Variants in MAT2B observed in about 807,000 individuals in gnomAD.
MAT2B encodes the protein methionine adenosyltransferase 2 subunit beta.
Under a neutral mutation model 36.1 loss-of-function variants are expected in MAT2B, and 16 were observed. The observed-to-expected ratio is 0.44, with a 90% confidence interval of 0.30 to 0.67. The LOEUF (loss-of-function observed/expected upper bound fraction) is 0.67, where lower values mean the gene tolerates loss of function less well. Ranked by LOEUF, MAT2B falls within the 30% of genes least tolerant of loss-of-function variation. The probability of loss-of-function intolerance (pLI) is 0.09; values close to 1 mark genes in which losing one functional copy is unlikely to be tolerated. For synonymous variants in MAT2B, 148 were observed against 136.9 expected, an observed-to-expected ratio of 1.08 and a Z score of -0.57; for missense variants, 332 against 398.2, an observed-to-expected ratio of 0.83 and a Z score of 1.42.
Position 163,518,109 on chromosome 5 carries a change from T to TA in MAT2B, c.835-77dup, listed in dbSNP as rs1272506341. ...CTCTGTTTAAAAATATATACATATT[T>TA]AAAAAAAGGTCAGGGGGAACAAAGC... On this transcript the variant is annotated intron_variant, in intron 6 of 6. Transcript: ENST00000321757. 1.4e-5 allele frequency: 13 copies of TA among 942,240 alleles called. No homozygotes were observed. The South Asian group carries it at 1.9e-4, about 14-fold the overall frequency. 58.4% of individuals were successfully genotyped at this position (942,240 alleles called of 1,614,324 possible). A position where few individuals can be genotyped will look rare whatever the true frequency, so the allele number is the denominator to read the frequency against.
chr5:163,506,602 A>G (rs1275751471), intron 1 of MAT2B, among the ~76,000 whole-genome samples: 1 of 152,192 alleles, frequency 6.6e-6, no homozygotes, highest in Admixed American at 6.5e-5. Flanking sequence ...CTGTTATTGC[A>G]AAGTTTTCAT....
At chr5:163,510,141 C>T (rs1760014712) in intron 1 of MAT2B, among the ~76,000 whole-genome samples, 1 of 152,062 alleles carries the variant, frequency 6.6e-6, no homozygotes, top group Non-Finnish European at 1.5e-5. Context: ...TATAACAACT[C>T]TTGAGTTAAA....
intron 2 of MAT2B, chr5:163,513,317 C>T: frequency 2.7e-6 from 1 of 363,758 alleles, no homozygotes; most frequent in Non-Finnish European, 5.0e-6. Context: ...CAGTTTTTTT[C>T]CTGGTTTGTG....
intron 1 of MAT2B, among the ~76,000 whole-genome samples, chr5:163,506,968 C>A: frequency 6.6e-6 from 1 of 152,136 alleles, no homozygotes; most frequent in East Asian, 1.9e-4. Context: ...AGAGAAGCAT[C>A]CTGGAGTGGT....
At chr5:163,508,533 C>G (rs1019461674) in intron 1 of MAT2B, among the ~76,000 whole-genome samples, 1 of 151,984 alleles carries the variant, frequency 6.6e-6, no homozygotes, top group African/African-American at 2.4e-5. Flanking sequence ...CCCTGGCACC[C>G]GGCCTCAAAC....
intron 1 of MAT2B, among the ~76,000 whole-genome samples, chr5:163,507,616 C>T (rs1759968125): frequency 6.6e-6 from 1 of 152,162 alleles, no homozygotes; most frequent in African/African-American, 2.4e-5. Flanking sequence ...GCATTTTATT[C>T]TTTCATTCTG....
Position 163,513,901 on chromosome 5 carries a change from C to G in MAT2B, c.433C>G (p.Pro145Ala). Residue 145 changes from proline to alanine, a missense_variant, in exon 4 of 7, where the codon CCA (proline) becomes GCA (alanine). Transcript: ENST00000321757. ...AGATTATGTATTTGATGGAACAAAT[C>G]CACCTTACAGAGAGGAAGACATACC... Reference protein sequence around the residue: ...SSDYVFDGTNPPYREEDIPAP... With the variant: ...SSDYVFDGTNAPYREEDIPAP... The G allele has an allele frequency of 1.2e-6, 2 of 1,613,024 alleles. No individual in the cohort carries two copies. Among genetic ancestry groups the G allele is most frequent in the Non-Finnish European group, 1.7e-6 (2 of 1,179,378 alleles).
rs757293921 is a variant in MAT2B at position 163,505,644 on chromosome 5, A to G, written c.-43A>G. The G allele has an allele frequency of 7.1e-6, 9 of 1,258,770 alleles. No individual in the cohort carries two copies. Among genetic ancestry groups the G allele is most frequent in the Non-Finnish European group, 9.1e-6 (9 of 994,114 alleles). The allele number at this position is 1,258,770 out of a possible 1,614,324, so 78.0% of individuals were successfully genotyped here. ...GAGGCCCGCGTCGATCCTGGGTTGG[A>G]GGAGGTGGCGGCCGCTGAGGCTGCG... is the stretch of plus-strand genomic sequence containing the variant. On this transcript the variant is annotated 5_prime_UTR_variant, in exon 1 of 7. Transcript: ENST00000321757.
chr5:163,515,871 C>T (rs1256979460), intron 4 of MAT2B, among the ~76,000 whole-genome samples: 1 of 134,030 alleles, frequency 7.5e-6, no homozygotes, highest in Non-Finnish European at 1.5e-5. Flanking sequence ...ACCTCCTTGG[C>T]TTAAGCAATC....
At chr5:163,514,446 C>T (rs536242501) in intron 4 of MAT2B, among the ~76,000 whole-genome samples, 1 of 152,202 alleles carries the variant, frequency 6.6e-6, no homozygotes, top group East Asian at 1.9e-4. Context: ...GTGTATAACA[C>T]ACATCTCCAT....
intron 5 of MAT2B, 119 bp from the exon 6 acceptor site, chr5:163,517,442 A>G (rs760507924): frequency 4.4e-5 from 24 of 544,384 alleles, no homozygotes; most frequent in Non-Finnish European, 7.5e-5. Flanking sequence ...AGACCTTTCC[A>G]GAAAAAGAGG....
intron 1 of MAT2B, among the ~76,000 whole-genome samples, chr5:163,510,088 T>A (rs1252393862): frequency 6.6e-6 from 1 of 152,200 alleles, no homozygotes; most frequent in African/African-American, 2.4e-5. Context: ...CTTTGGTTAT[T>A]GTATATGTAT....
rs571150505 is a variant in MAT2B at position 163,517,372 on chromosome 5, T to C, written c.721-189T>C. The C allele has an allele frequency of 4.2e-5, 15 of 353,564 alleles. No individual in the cohort carries two copies. The South Asian group carries it at 1.3e-3, about 30-fold the overall frequency. 21.9% of individuals were successfully genotyped at this position (353,564 alleles called of 1,614,324 possible). A position where few individuals can be genotyped will look rare whatever the true frequency, so the allele number is the denominator to read the frequency against. Reference sequence around the variant, plus strand: ...TTCTTAAGGTTTAAATTCTAGAAATTGCTCTTTTAAGTGTTTTGCTAAGAG... The same window carrying C: ...TTCTTAAGGTTTAAATTCTAGAAATCGCTCTTTTAAGTGTTTTGCTAAGAG... On this transcript the variant is annotated intron_variant, in intron 5 of 6. Coordinates refer to ENST00000321757, the MANE Select transcript of MAT2B (RefSeq NM_013283.5).
chr5:163,503,992 C>A (rs1759888900), upstream of MAT2B, among the ~76,000 whole-genome samples: 1 of 152,168 alleles, frequency 6.6e-6, no homozygotes, highest in Non-Finnish European at 1.5e-5. Context: ...TCAAAAGCAG[C>A]CAAGTTAAAT....
chr5:163,516,468 A>G (rs1481955765), intron 4 of MAT2B, 50 bp from the exon 5 acceptor site: 2 of 1,494,018 alleles, frequency 1.3e-6, no homozygotes, highest in East Asian at 2.3e-5. Context: ...TCTTACATCA[A>G]AATTTAAGAA....
At position 163,505,750 on chromosome 5, in the gene MAT2B, G is replaced by T; in HGVS notation, c.63+1G>T. 7.8e-7 allele frequency: 1 copy of T among 1,274,006 alleles called. No homozygotes were observed. The highest frequency in any genetic ancestry group is 1.0e-6 in the Non-Finnish European group (1 of 1,002,986). The allele number at this position is 1,274,006 out of a possible 1,614,324, so 78.9% of individuals were successfully genotyped here. A position where few individuals can be genotyped will look rare whatever the true frequency, so the allele number is the denominator to read the frequency against. ...TCCCGGGAGCTGTCGGCTGGTGGAG[G>T]TGAGGGAGTCGGCCTGGGCGTCTCC... On this transcript the variant is annotated splice_donor_variant, in intron 1 of 6. Transcript: ENST00000321757. LOFTEE classifies it high-confidence loss of function.
intron 4 of MAT2B, among the ~76,000 whole-genome samples, chr5:163,515,668 TAA>T (rs1011897387): frequency 2.6e-5 from 4 of 151,956 alleles, no homozygotes; most frequent in East Asian, 1.9e-4. Flanking sequence ...GTTGTCATGA[TAA>T]GTTTTATTTT....
upstream of MAT2B, chr5:163,503,210 T>C (rs1759875706): frequency 1.7e-6 from 1 of 578,340 alleles, no homozygotes; most frequent in Non-Finnish European, 3.2e-6. Flanking sequence ...CTTACTGCCA[T>C]GTGGAGAACT....
Position 163,518,209 on chromosome 5 carries a change from T to C in MAT2B, c.851T>C (p.Val284Ala). Reference protein sequence around the residue: ...SHLRPITDSPVLGAQRPRNAQ... With the variant: ...SHLRPITDSPALGAQRPRNAQ... ...TCTTTAAAGATTACTGACAGCCCTG[T>C]CCTAGGAGCACAACGTCCGAGAAAT... The change falls in exon 7 of 7, where the codon GTC becomes GCC. Residue 284 changes from valine (V) to alanine (A), a missense_variant. Val to Ala is a moderately conservative substitution (Grantham distance 64). Coordinates refer to ENST00000321757, the MANE Select transcript of MAT2B (RefSeq NM_013283.5). 6.2e-7 allele frequency: 1 copy of C among 1,610,312 alleles called. No individual in the cohort carries two copies. Among genetic ancestry groups the C allele is most frequent in the South Asian group, 1.1e-5 (1 of 90,034 alleles).
Sources: allele counts gnomAD v4.1 joint callset (sites outside exome capture counted in the v4.1 genomes callset), GRCh38; gene constraint gnomAD v4.1.1; transcripts MANE v1.5; gene names NCBI Gene and HGNC (gene_info 2026-07-23, HGNC 2026-07-21).